PDZRN4: variants seen among roughly 807,000 people sequenced by gnomAD.
The protein encoded by PDZRN4 is PDZ domain-containing RING finger protein 4.
A neutral mutation model predicts 99.0 loss-of-function variants in PDZRN4; 70 were observed. The ratio of observed to expected loss-of-function variants is 0.71; its 90% CI spans 0.58 to 0.86. The LOEUF is 0.86. Ranked by LOEUF, PDZRN4 falls within the 40% of genes least tolerant of loss-of-function variation. The pLI, the probability that PDZRN4 is intolerant of heterozygous loss-of-function variation, is 0.00. For synonymous variants in PDZRN4, 551 were observed against 501.6 expected, an observed-to-expected ratio of 1.10 and a Z score of -1.32; for missense variants, 1,474 against 1,331.2, an observed-to-expected ratio of 1.11 and a Z score of -1.67.
rs1488660754 is a variant in PDZRN4 at position 41,477,888 on chromosome 12, C to T, written c.844-28568C>T. 6 of 1,552,244 alleles carry T rather than the reference C, an allele frequency of 3.9e-6. No homozygotes were observed. In the East Asian group the frequency reaches 6.9e-5, roughly 18 times the overall value. On this transcript the variant is annotated intron_variant, in intron 3 of 9. Coordinates refer to ENST00000402685, the MANE Select transcript of PDZRN4 (RefSeq NM_001164595.2). Reference sequence around the variant, plus strand: ...AGGTAAGAGACAATTTTTCCTTAAACCTTTGGCATTGTTGACATGTTGGCC... The same window carrying T: ...AGGTAAGAGACAATTTTTCCTTAAATCTTTGGCATTGTTGACATGTTGGCC...
At chr12:41,414,670 A>T (rs184336123) in intron 3 of PDZRN4, among the ~76,000 whole-genome samples, 39 of 152,248 alleles carry the variant, frequency 2.6e-4, no homozygotes, top group Non-Finnish European at 5.0e-4. Context: ...CTAAAAACTA[A>T]AAAGAGCTTA....
At chr12:41,233,609 T>A (rs1329290079) in intron 3 of PDZRN4, among the ~76,000 whole-genome samples, 2 of 152,060 alleles carry the variant, frequency 1.3e-5, no homozygotes, top group African/African-American at 4.8e-5. Context: ...TATGCAGCCA[T>A]AAAAAATGAT....
At chr12:41,568,015 T>C (rs1369284533) in intron 9 of PDZRN4, 116 bp downstream of exon 9, 5 of 625,854 alleles carry the variant, frequency 8.0e-6, no homozygotes, top group African/African-American at 1.8e-5. Flanking sequence ...ATCTCTATCA[T>C]GGTAATTTTT....
At chr12:41,244,846 G>T (rs546497133) in intron 3 of PDZRN4, among the ~76,000 whole-genome samples, 1 of 125,306 alleles carries the variant, frequency 8.0e-6, no homozygotes, top group African/African-American at 2.8e-5. Flanking sequence ...CACCGCGCCC[G>T]GCTAATTTTT....
At chr12:41,191,589 C>T (rs1354401076) in intron 2 of PDZRN4, 45 bp downstream of exon 2, 3 of 854,806 alleles carry the variant, frequency 3.5e-6, no homozygotes, top group South Asian at 1.4e-5. Flanking sequence ...ATAAAATAAG[C>T]ATTAATAAGC....
chr12:41,392,470 G>C (rs1268902462), intron 3 of PDZRN4, among the ~76,000 whole-genome samples: 1 of 151,962 alleles, frequency 6.6e-6, no homozygotes, highest in Non-Finnish European at 1.5e-5. Context: ...TGATGTCTTA[G>C]CTTGCCAATG....
At chr12:41,479,882 A>T (rs1010994652) in intron 3 of PDZRN4, among the ~76,000 whole-genome samples, 1 of 152,222 alleles carries the variant, frequency 6.6e-6, no homozygotes, top group African/African-American at 2.4e-5. Flanking sequence ...TGACTGTTTC[A>T]TCTACTCTGA....
In PDZRN4 at chr12:41,437,487, TAAAC is replaced by T. The variant is rs759603691; in HGVS notation, c.844-68967_844-68964del. Among the ~76,000 whole-genome samples the T allele has an allele frequency of 1.2e-3, 182 of 152,314 alleles. 1 individual carries two copies. The highest frequency in any genetic ancestry group is 1.9e-3 in the Non-Finnish European group (126 of 68,034). On this transcript the variant is annotated intron_variant, in intron 3 of 9. Coordinates refer to ENST00000402685, the MANE Select transcript of PDZRN4 (RefSeq NM_001164595.2). The stretch of plus-strand genomic sequence containing the variant: ...CTATATGCAACCCCTCTATCCTTAA[TAAAC>T]AGAGATGGTATTGACACAAGTGAAT...
chr12:41,196,067 A>G (rs972527206), intron 3 of PDZRN4, among the ~76,000 whole-genome samples: 2 of 152,140 alleles, frequency 1.3e-5, no homozygotes, highest in Non-Finnish European at 2.9e-5. Context: ...AGAATTTTTT[A>G]TATTGTCATA....
chr12:41,303,211 G>T (rs1951548478), intron 3 of PDZRN4, among the ~76,000 whole-genome samples: 1 of 152,132 alleles, frequency 6.6e-6, no homozygotes, highest in African/African-American at 2.4e-5. Context: ...TGTTGTCAGT[G>T]TTGGCCAGTA....
At chr12:41,520,936 A>G (rs150833779) in intron 5 of PDZRN4, among the ~76,000 whole-genome samples, 4 of 152,284 alleles carry the variant, frequency 2.6e-5, no homozygotes, top group African/African-American at 7.2e-5. Context: ...ACTTCTAGAC[A>G]TCGTTGAATT....
intron 3 of PDZRN4, among the ~76,000 whole-genome samples, chr12:41,389,668 TGACAATCTCTGTAGCATCATGTG>T (rs1952195282): frequency 6.6e-6 from 1 of 152,228 alleles, no homozygotes; most frequent in Non-Finnish European, 1.5e-5. Flanking sequence ...CTGAGATACT[TGACAATCTCTGTAGCATCATGTG>T]GCCCCAGGTT....
At chr12:41,392,583 C>T (rs1242507080) in intron 3 of PDZRN4, among the ~76,000 whole-genome samples, 1 of 152,140 alleles carries the variant, frequency 6.6e-6, no homozygotes, top group Non-Finnish European at 1.5e-5. Context: ...ACCATTATTC[C>T]TTTCAGAATG....
At chr12:41,271,612 GTTT>G (rs1477798610) in intron 3 of PDZRN4, among the ~76,000 whole-genome samples, 1 of 152,032 alleles carries the variant, frequency 6.6e-6, no homozygotes, top group African/African-American at 2.4e-5. Flanking sequence ...TTCTTGTATA[GTTT>G]AACTCAAAAT....
chr12:41,416,548 T>G (rs1952446927), intron 3 of PDZRN4, among the ~76,000 whole-genome samples: 1 of 152,076 alleles, frequency 6.6e-6, no homozygotes, highest in Non-Finnish European at 1.5e-5. Flanking sequence ...AGGAGGCTAC[T>G]CGGGAGGCTG....
chr12:41,393,920 A>T (rs1952227616), intron 3 of PDZRN4, among the ~76,000 whole-genome samples: 1 of 152,228 alleles, frequency 6.6e-6, no homozygotes, highest in South Asian at 2.1e-4. Flanking sequence ...CGTCTCTGCA[A>T]TGACAATTAT....
At chr12:41,564,355 G>A (rs1939325295) in intron 8 of PDZRN4, among the ~76,000 whole-genome samples, 1 of 151,928 alleles carries the variant, frequency 6.6e-6, no homozygotes, top group Non-Finnish European at 1.5e-5. Flanking sequence ...AAAGGTAATG[G>A]AAAAAAAGTA....
chr12:41,299,518 C>T (rs7980336), intron 3 of PDZRN4, among the ~76,000 whole-genome samples: 9,293 of 151,786 alleles, frequency 0.061, 819 homozygotes, highest in African/African-American at 0.2. Context: ...TTTTATAATC[C>T]CCTGTTTTTT....
At chr12:41,262,909 T>C (rs1394707928) in intron 3 of PDZRN4, among the ~76,000 whole-genome samples, 1 of 152,136 alleles carries the variant, frequency 6.6e-6, no homozygotes, top group Non-Finnish European at 1.5e-5. Flanking sequence ...GTCAATTAAG[T>C]TACCATTTTT....
Sources: allele counts gnomAD v4.1 joint callset (sites outside exome capture counted in the v4.1 genomes callset), GRCh38; gene constraint gnomAD v4.1.1; transcripts MANE v1.5; gene names NCBI Gene and HGNC (gene_info 2026-07-23, HGNC 2026-07-21).